The following DUSP22 variants were observed in gnomAD, a reference collection of about 807,000 sequenced individuals.
DUSP22 encodes dual specificity protein phosphatase 22.
In DUSP22, 24 loss-of-function variants were observed where a neutral mutation model predicts 24.5. The ratio of observed to expected loss-of-function variants is 0.98; its 90% CI spans 0.71 to 1.38. DUSP22 has a LOEUF of 1.38. DUSP22 is among the 40% of genes most tolerant of loss of function. The pLI is 0.00. For synonymous variants in DUSP22, 160 were observed against 106.4 expected (o/e 1.50, Z -3.10); for missense variants, 330 against 269.2 (o/e 1.23, Z -1.58).
At chr6:318,076 T>G (rs1172086693) in intron 3 of DUSP22, among the ~76,000 whole-genome samples, 5 of 152,304 alleles carry the variant, frequency 3.3e-5, no homozygotes, top group African/African-American at 7.2e-5. Context: ...CAGCGGTGCC[T>G]GTGGATGTCC....
In DUSP22 at chr6:351,168, C is replaced by T; in HGVS notation, c.*2217C>T. On this transcript the variant is annotated 3_prime_UTR_variant, in exon 7 of 7. Transcript: ENST00000419235. ...GTGGCTTGGCGCTCGTGATTGCTTCCTGTGAACGCCTCCCAAGGACGAGCC... is the reference window on the plus strand; with the variant it reads ...GTGGCTTGGCGCTCGTGATTGCTTCTTGTGAACGCCTCCCAAGGACGAGCC... The T allele has an allele frequency of 2.2e-6, 1 of 457,880 alleles. No individual in the cohort carries two copies. The highest frequency in any genetic ancestry group is 3.9e-6 in the Non-Finnish European group (1 of 255,050). The allele number at this position is 457,880 out of a possible 1,614,324, so 28.4% of individuals were successfully genotyped here.
intron 1 of DUSP22, among the ~76,000 whole-genome samples, chr6:297,934 C>T (rs1317623040): frequency 6.6e-6 from 1 of 152,310 alleles, no homozygotes. Flanking sequence ...AGTCAAGACA[C>T]TGTGTTAGAT....
intron 2 of DUSP22, 135 bp from the exon 3 acceptor site, chr6:311,745 T>C (rs1758109898): frequency 5.4e-6 from 5 of 933,358 alleles, no homozygotes; most frequent in South Asian, 3.7e-5. Context: ...GTTTCCTACA[T>C]GTATGGTCAG....
intron 3 of DUSP22, among the ~76,000 whole-genome samples, chr6:317,295 C>A (rs1328887218): frequency 6.6e-6 from 1 of 152,308 alleles, no homozygotes; most frequent in African/African-American, 2.4e-5. Context: ...CTGGAGGGAC[C>A]CTGGTTTCCT....
chr6:321,862 A>G (rs1014960925), intron 3 of DUSP22, among the ~76,000 whole-genome samples: 5 of 152,302 alleles, frequency 3.3e-5, no homozygotes, highest in Admixed American at 6.5e-5. Context: ...TAATTAGGCT[A>G]TAAGTACCCA....
chr6:310,597 C>T (rs1449029294), intron 2 of DUSP22, among the ~76,000 whole-genome samples: 1 of 152,300 alleles, frequency 6.6e-6, no homozygotes, highest in African/African-American at 2.4e-5. Flanking sequence ...AAACCACAGT[C>T]CTGTCTGAAT....
At chr6:333,714 G>T (rs1185161851) in intron 3 of DUSP22, among the ~76,000 whole-genome samples, 3 of 152,300 alleles carry the variant, frequency 2.0e-5, no homozygotes, top group African/African-American at 7.2e-5. Flanking sequence ...CGCCCACTTT[G>T]CCCCGAGCCA....
rs1760098640 is a variant in DUSP22 at position 349,769 on chromosome 6, T to C, written c.*818T>C. The C allele has an allele frequency of 1.0e-6, 1 of 985,852 alleles. No individual in the cohort carries two copies. Among genetic ancestry groups the C allele is most frequent in the African/African-American group, 1.7e-5 (1 of 57,282 alleles). 61.1% of individuals were successfully genotyped at this position (985,852 alleles called of 1,614,324 possible). ...CCTAGCGCCTTGAGTCAAGGCCACT[T>C]TTCAGCCCATCGAGCCCTGAGTTCT... is the stretch of plus-strand genomic sequence containing the variant. On this transcript the variant is annotated 3_prime_UTR_variant, in exon 7 of 7. Transcript: ENST00000419235.
At chr6:328,901 A>C (rs1200710313) in intron 3 of DUSP22, among the ~76,000 whole-genome samples, 1 of 152,306 alleles carries the variant, frequency 6.6e-6, no homozygotes, top group Admixed American at 6.5e-5. Flanking sequence ...AGGCATACGT[A>C]AGTTTTTCCA....
chr6:316,193 G>A (rs1358943767), intron 3 of DUSP22, among the ~76,000 whole-genome samples: 1 of 152,304 alleles, frequency 6.6e-6, no homozygotes, highest in Non-Finnish European at 1.5e-5. Context: ...TCATCTGTCA[G>A]CAAGTGGCAG....
At chr6:303,039 A>G (rs1232572720) in intron 1 of DUSP22, among the ~76,000 whole-genome samples, 4 of 152,418 alleles carry the variant, frequency 2.6e-5, no homozygotes, top group Non-Finnish European at 5.9e-5. Context: ...ACCTGACTAA[A>G]GTTTGGTCAA....
chr6:305,852 G>T (rs1757795185), intron 2 of DUSP22, among the ~76,000 whole-genome samples: 1 of 152,304 alleles, frequency 6.6e-6, no homozygotes, highest in Admixed American at 6.5e-5. Flanking sequence ...TAACAAGCCA[G>T]AACATGGCCA....
At chr6:328,942 A>G (rs1202371612) in intron 3 of DUSP22, among the ~76,000 whole-genome samples, 7 of 152,306 alleles carry the variant, frequency 4.6e-5, no homozygotes, top group African/African-American at 1.7e-4. Flanking sequence ...GGGATTTCGA[A>G]TTCTGCTTTT....
rs554877797 is a variant in DUSP22 at position 321,902 on chromosome 6, C to T, written c.138+9940C>T. Among the ~76,000 whole-genome samples the T allele has an allele frequency of 2.6e-5, 4 of 152,422 alleles. No individual in the cohort carries two copies. In the South Asian group the frequency reaches 8.3e-4, roughly 32 times the overall value. On this transcript the variant is annotated intron_variant, in intron 3 of 6. Coordinates refer to ENST00000419235, the MANE Select transcript of DUSP22 (RefSeq NM_001286555.3). ...TCTGCCATCCAGGGATGTGAGTGCTCCAGGAAACAGAGCTGGGTGGAAGAA... is the reference window on the plus strand; with the variant it reads ...TCTGCCATCCAGGGATGTGAGTGCTTCAGGAAACAGAGCTGGGTGGAAGAA...
At chr6:320,625 C>T (rs1332200481) in intron 3 of DUSP22, among the ~76,000 whole-genome samples, 1 of 152,294 alleles carries the variant, frequency 6.6e-6, no homozygotes, top group Non-Finnish European at 1.5e-5. Context: ...GCTGCATGGT[C>T]ATGGGCTGGG....
In DUSP22 at chr6:311,932, T is replaced by G; in HGVS notation, c.108T>G (p.Ser36=). The change falls in exon 3 of 7, where the codon TCT becomes TCG. Residue 36 remains serine, a synonymous_variant. Transcript: ENST00000419235. ...AGAACAAGGTGACACATATTCTGTC[T>G]GTCCACGATAGTGCCAGGCCTATGT... is the stretch of plus-strand genomic sequence containing the variant. ...LSKNKVTHIL[S]VHDSARPMLE... 1 of 1,612,896 alleles carries G rather than the reference T, an allele frequency of 6.2e-7. No individual in the cohort carries two copies. Among genetic ancestry groups the G allele is most frequent in the Non-Finnish European group, 8.5e-7 (1 of 1,179,266 alleles).
intron 1 of DUSP22, among the ~76,000 whole-genome samples, chr6:302,871 G>A (rs771385789): frequency 4.9e-4 from 74 of 152,278 alleles, no homozygotes; most frequent in Admixed American, 1.1e-3. Flanking sequence ...GGCAGGGTGA[G>A]GGAGTGGGTG....
At chr6:295,648 A>G (rs973491572) in intron 1 of DUSP22, among the ~76,000 whole-genome samples, 10 of 152,110 alleles carry the variant, frequency 6.6e-5, no homozygotes, top group African/African-American at 1.2e-4. Flanking sequence ...AAACAAAGCA[A>G]TCAGCCGAGT....
At chr6:335,065 T>C in intron 3 of DUSP22, 49 bp from the exon 4 acceptor site, 2 of 1,589,440 alleles carry the variant, frequency 1.3e-6, no homozygotes, top group Non-Finnish European at 1.7e-6. Flanking sequence ...TTTTCTCCAC[T>C]GAGTTTCATG....
Sources: allele counts gnomAD v4.1 joint callset (sites outside exome capture counted in the v4.1 genomes callset), GRCh38; gene constraint gnomAD v4.1.1; transcripts MANE v1.5; gene names NCBI Gene and HGNC (gene_info 2026-07-23, HGNC 2026-07-21).